The following RBM19 variants were observed in gnomAD, a reference collection of about 807,000 sequenced individuals.
RBM19 encodes probable RNA-binding protein 19.
Under a neutral mutation model 116.8 loss-of-function variants are expected in RBM19, and 94 were observed. The observed-to-expected ratio is 0.80, with a 90% CI of 0.68 to 0.95. The LOEUF is 0.95. Ranked by LOEUF, RBM19 falls within the 40% of genes least tolerant of loss-of-function variation. The probability of loss-of-function intolerance (pLI) is 0.00; values close to 1 mark genes in which losing one functional copy is unlikely to be tolerated. For synonymous variants in RBM19, 475 were observed against 494.1 expected (o/e 0.96, Z 0.51); for missense variants, 1,161 against 1,220.7 (o/e 0.95, Z 0.73).
chr12:113,883,667 C>T (rs1431757034), intron 21 of RBM19, among the ~76,000 whole-genome samples: 1 of 152,230 alleles, frequency 6.6e-6, no homozygotes, highest in Non-Finnish European at 1.5e-5. Context: ...GGCCATGAGA[C>T]TGATCAGCGT....
intron 22 of RBM19, among the ~76,000 whole-genome samples, chr12:113,847,309 G>A (rs1877074777): frequency 6.6e-6 from 1 of 152,082 alleles, no homozygotes; most frequent in Non-Finnish European, 1.5e-5. Flanking sequence ...GCTGTTCTGT[G>A]AAGGACCAGG....
At chr12:113,939,051 AC>A (rs1473359846) in intron 15 of RBM19, among the ~76,000 whole-genome samples, 3 of 152,236 alleles carry the variant, frequency 2.0e-5, no homozygotes. Flanking sequence ...CACCTACAGA[AC>A]TGACTTTCAT....
At chr12:113,948,704 A>G in intron 10 of RBM19, 129 bp downstream of exon 10, 1 of 905,534 alleles carries the variant, frequency 1.1e-6, no homozygotes, top group Non-Finnish European at 1.7e-6. Context: ...GTCCCATTTT[A>G]CAGATGAGAA....
intron 20 of RBM19, among the ~76,000 whole-genome samples, chr12:113,917,915 C>CT (rs1471258735): frequency 3.9e-4 from 60 of 152,230 alleles, no homozygotes; most frequent in Non-Finnish European, 5.9e-5. Context: ...GCCTCCATCT[C>CT]TAACACCTAC....
intron 21 of RBM19, among the ~76,000 whole-genome samples, chr12:113,865,997 G>A (rs1339123028): frequency 6.6e-6 from 1 of 152,174 alleles, no homozygotes; most frequent in Non-Finnish European, 1.5e-5. Flanking sequence ...AGCATGGTTT[G>A]CCCTGCACTG....
At chr12:113,901,596 C>T (rs1032106066) in intron 21 of RBM19, among the ~76,000 whole-genome samples, 3 of 152,304 alleles carry the variant, frequency 2.0e-5, no homozygotes, top group Middle Eastern at 3.4e-3. Flanking sequence ...GCAACCTCCA[C>T]CTCCTGGGTT....
At chr12:113,930,605 A>G (rs1322269268) in intron 16 of RBM19, among the ~76,000 whole-genome samples, 1 of 152,186 alleles carries the variant, frequency 6.6e-6, no homozygotes, top group Non-Finnish European at 1.5e-5. Flanking sequence ...CCAACCTCCC[A>G]TAAGTCAGCC....
rs756522862 is a variant in RBM19 at position 113,823,195 on chromosome 12, CCGGAGCCACACACCCTCT to C, written c.*11_*28del. Reference sequence around the variant, plus strand: ...AGCGGCTGTCCCGGTCCCCAGGGCCCCGGAGCCACACACCCTCTCGGTGCCAGCTCACAGCTGAAGGGT... The same window carrying C: ...AGCGGCTGTCCCGGTCCCCAGGGCCCCGGTGCCAGCTCACAGCTGAAGGGT... On this transcript the variant is annotated 3_prime_UTR_variant, in exon 24 of 24. Coordinates refer to ENST00000261741, the MANE Select transcript of RBM19 (RefSeq NM_016196.4). 1 of 1,599,108 alleles carries C rather than the reference CCGGAGCCACACACCCTCT, an allele frequency of 6.3e-7. No individual in the cohort carries two copies. The highest frequency in any genetic ancestry group is 1.7e-5 in the Admixed American group (1 of 59,678).
downstream of RBM19, chr12:113,817,064 T>C (rs1048410897): frequency 2.0e-5 from 3 of 152,204 alleles, no homozygotes; most frequent in Admixed American, 1.3e-4. Flanking sequence ...CGTGCTCTGC[T>C]CACACTAATC....
rs374620619 is a variant in RBM19, at chr12:113,942,380, G to C, written c.1681C>G (p.Gln561Glu). 25 of 1,609,414 alleles carry C rather than the reference G, an allele frequency of 1.6e-5. No individual in the cohort carries two copies. The highest frequency in any genetic ancestry group is 3.3e-5 in the Admixed American group (2 of 59,962). Residue 561 changes from glutamine to glutamate, a missense_variant, in exon 14 of 24, where the codon CAG becomes GAG. Physicochemically the swap from Gln to Glu is conservative, Grantham distance 29. Coordinates refer to ENST00000261741, the MANE Select transcript of RBM19 (RefSeq NM_016196.4). ...TCTATGAGAAAACGCCGCACTTCCTGGACGAGCTGGGTTTCCCCCAGAGCC... is the reference window on the plus strand; with the variant it reads ...TCTATGAGAAAACGCCGCACTTCCTCGACGAGCTGGGTTTCCCCCAGAGCC... ...RVALGETQLV[Q>E]EVRRFLIDNG...
chr12:113,961,816 C>T (rs1032778019), intron 2 of RBM19, among the ~76,000 whole-genome samples: 1 of 152,226 alleles, frequency 6.6e-6, no homozygotes, highest in African/African-American at 2.4e-5. Flanking sequence ...CCCTGCCTGC[C>T]CAGAGACAGC....
chr12:113,864,726 C>T (rs887420358), intron 21 of RBM19, among the ~76,000 whole-genome samples: 1 of 152,188 alleles, frequency 6.6e-6, no homozygotes, highest in Admixed American at 6.5e-5. Flanking sequence ...GAACTATCAT[C>T]TAAAATTCTC....
chr12:113,931,878 G>T (rs1869634577), intron 16 of RBM19, among the ~76,000 whole-genome samples: 3 of 152,152 alleles, frequency 2.0e-5, no homozygotes, highest in Admixed American at 6.5e-5. Flanking sequence ...TCTTTTCAGA[G>T]CCCTGTCCTA....
intron 21 of RBM19, among the ~76,000 whole-genome samples, chr12:113,914,010 G>C (rs957763309): frequency 2.6e-5 from 4 of 152,200 alleles, no homozygotes; most frequent in African/African-American, 9.6e-5. Flanking sequence ...ATATGAGGAC[G>C]TTTCTTTCAT....
At chr12:113,900,348 C>T (rs1306046689) in intron 21 of RBM19, among the ~76,000 whole-genome samples, 1 of 152,216 alleles carries the variant, frequency 6.6e-6, no homozygotes, top group Admixed American at 6.5e-5. Flanking sequence ...GTACGTGCAG[C>T]TGTTGACTTA....
chr12:113,933,749 C>T (rs1869821347), intron 16 of RBM19, among the ~76,000 whole-genome samples: 1 of 152,190 alleles, frequency 6.6e-6, no homozygotes, highest in Admixed American at 6.5e-5. Flanking sequence ...GCAGACATTT[C>T]TGTACTCAGG....
At chr12:113,844,833 G>T in intron 22 of RBM19, 45 bp from the exon 23 acceptor site, 1 of 1,551,998 alleles carries the variant, frequency 6.4e-7, no homozygotes. Context: ...CTGGATCAGT[G>T]CGGCAGACAC....
chr12:113,903,661 A>G lies in RBM19; in HGVS notation c.2558+11308T>C, dbSNP rs371836418. The stretch of plus-strand genomic sequence containing the variant: ...ACTATTTTTTATTTTAGCCATCCTG[A>G]CCGTTACATGTATATTCATTTGTTT... On this transcript the variant is annotated intron_variant, in intron 21 of 23. Coordinates refer to ENST00000261741, the MANE Select transcript of RBM19 (RefSeq NM_016196.4). This position sits in a 1 kb window ranked among gnomAD's most constrained non-coding sequence, Gnocchi z 5.1. 2.3e-4 allele frequency among the ~76,000 whole-genome samples: 35 copies of G among 152,252 alleles called. 3 individuals are homozygous for G. The East Asian group carries it at 2.5e-3, about 11-fold the overall frequency.
chr12:113,938,910 G>A (rs146686680), intron 15 of RBM19, among the ~76,000 whole-genome samples: 8 of 152,244 alleles, frequency 5.3e-5, no homozygotes, highest in Admixed American at 1.3e-4. Flanking sequence ...TGTGGCCTTC[G>A]GAACCGTGGG....
Sources: allele counts gnomAD v4.1 joint callset (sites outside exome capture counted in the v4.1 genomes callset), GRCh38; gene constraint gnomAD v4.1.1; non-coding constraint Gnocchi (gnomAD v3.1); transcripts MANE v1.5; gene names NCBI Gene and HGNC (gene_info 2026-07-23, HGNC 2026-07-21).